The following PAM variants were observed in gnomAD, a reference collection of about 807,000 sequenced individuals.
PAM encodes peptidyl-glycine alpha-amidating monooxygenase.
PAM carries 72 observed loss-of-function variants against 122.1 expected under a neutral mutation model. The observed-to-expected ratio is 0.59, with a 90% CI of 0.49 to 0.72. The LOEUF (loss-of-function observed/expected upper bound fraction) is 0.72, where lower values mean the gene tolerates loss of function less well. Ranked by LOEUF, PAM falls within the 30% of genes least tolerant of loss-of-function variation. PAM has a pLI of 0.00. For synonymous variants in PAM, 389 were observed against 404.4 expected (o/e 0.96, Z 0.46); for missense variants, 1,106 against 1,183.7 (o/e 0.93, Z 0.96).
intron 7 of PAM, among the ~76,000 whole-genome samples, chr5:102,940,583 C>A (rs1754865142): frequency 6.7e-6 from 1 of 149,954 alleles, no homozygotes; most frequent in African/African-American, 2.5e-5. Context: ...AGTTAGTAGG[C>A]CTTTTGACTA....
At chr5:102,957,536 T>C (rs559374509) in intron 12 of PAM, among the ~76,000 whole-genome samples, 63 of 152,230 alleles carry the variant, frequency 4.1e-4, no homozygotes, top group African/African-American at 1.5e-3. Context: ...TTCTTTTCTT[T>C]TCTTTTTTTT....
At chr5:102,783,920 GGA>G (rs1249003828) in intron 1 of PAM, among the ~76,000 whole-genome samples, 3 of 149,356 alleles carry the variant, frequency 2.0e-5, no homozygotes, top group African/African-American at 7.4e-5. Flanking sequence ...TTTTTGAGGT[GGA>G]GTCTCGCTCT....
At chr5:102,949,490 T>G in intron 9 of PAM, 47 bp from the exon 10 acceptor site, 1 of 923,014 alleles carries the variant, frequency 1.1e-6, no homozygotes, top group South Asian at 1.3e-5. Context: ...AATAATGTCA[T>G]TTTCCAGTTG....
chr5:102,951,849 T>A (rs757340642), intron 12 of PAM, among the ~76,000 whole-genome samples: 1 of 152,114 alleles, frequency 6.6e-6, no homozygotes, highest in Admixed American at 6.6e-5. Context: ...TGGATAAATT[T>A]GCTAAATTTG....
intron 4 of PAM, among the ~76,000 whole-genome samples, chr5:102,907,217 C>A (rs935007388): frequency 1.3e-5 from 2 of 151,878 alleles, no homozygotes; most frequent in South Asian, 4.2e-4. Context: ...ATGACAATTT[C>A]ACTATTAAGC....
intron 4 of PAM, among the ~76,000 whole-genome samples, chr5:102,902,406 A>G (rs1420754886): frequency 6.6e-6 from 1 of 151,646 alleles, no homozygotes. Context: ...AACACTCTCA[A>G]CAAAATTTGC....
At chr5:102,903,408 A>G (rs765765264) in intron 4 of PAM, among the ~76,000 whole-genome samples, 2 of 151,612 alleles carry the variant, frequency 1.3e-5, no homozygotes, top group South Asian at 4.1e-4. Context: ...AATCATTTAT[A>G]TAAAAGAATA....
chr5:102,894,683 A>G (rs1216628402), intron 3 of PAM, among the ~76,000 whole-genome samples: 1 of 151,684 alleles, frequency 6.6e-6, no homozygotes, highest in Non-Finnish European at 1.5e-5. Flanking sequence ...CTCAAATTCA[A>G]CATGTTCAGT....
At chr5:102,859,067 T>C (rs1783385116) in intron 1 of PAM, among the ~76,000 whole-genome samples, 1 of 152,232 alleles carries the variant, frequency 6.6e-6, no homozygotes, top group Admixed American at 6.5e-5. Context: ...TACGTAATAC[T>C]TGATAAAGAT....
intron 1 of PAM, among the ~76,000 whole-genome samples, chr5:102,797,695 G>C (rs6865395): frequency 0.043 from 6,477 of 152,148 alleles, 479 homozygotes; most frequent in African/African-American, 0.15. Flanking sequence ...CAGCATTTAG[G>C]TTTTAAGAAT....
At chr5:102,806,076 C>T (rs563907583) in intron 1 of PAM, among the ~76,000 whole-genome samples, 21 of 152,170 alleles carry the variant, frequency 1.4e-4, no homozygotes, top group Non-Finnish European at 2.9e-4. Flanking sequence ...AACAAAGCAG[C>T]TTTACTGTTG....
chr5:102,758,837 G>T (rs1371836667), intron 1 of PAM, among the ~76,000 whole-genome samples: 3 of 152,114 alleles, frequency 2.0e-5, no homozygotes, highest in African/African-American at 4.8e-5. Context: ...GGTAGGGGGA[G>T]GGGGGAAGGA....
rs112138952 is a variant in PAM, at chr5:102,925,643, A to G, written c.442+601A>G. 5.1e-3 allele frequency among the ~76,000 whole-genome samples: 775 copies of G among 152,298 alleles called. 7 individuals carry two copies. Among genetic ancestry groups the G allele is most frequent in the African/African-American group, 0.018 (742 of 41,564 alleles). On this transcript the variant is annotated intron_variant, in intron 6 of 25. Coordinates refer to ENST00000438793, the MANE Select transcript of PAM (RefSeq NM_001177306.2). ...CCTTACTCATTGCCAGCATCATTAA[A>G]TGATGTCTGATTTCTTGCACTTCAA...
At chr5:102,935,824 A>C (rs770891166) in intron 7 of PAM, among the ~76,000 whole-genome samples, 1 of 152,170 alleles carries the variant, frequency 6.6e-6, no homozygotes, top group Non-Finnish European at 1.5e-5. Flanking sequence ...CTCAAAATCT[A>C]ATCAGAGGAC....
chr5:103,012,604 C>G (rs1355195616), intron 21 of PAM, among the ~76,000 whole-genome samples: 1 of 152,056 alleles, frequency 6.6e-6, no homozygotes, highest in African/African-American at 2.4e-5. Context: ...CCTGTAATCC[C>G]AGCACTTTGG....
intron 1 of PAM, among the ~76,000 whole-genome samples, chr5:102,836,712 C>G (rs1340488381): frequency 1.3e-5 from 2 of 152,048 alleles, no homozygotes; most frequent in Non-Finnish European, 2.9e-5. Context: ...ACAGTATTAT[C>G]TAGTGCCACC....
chr5:103,020,847 TAATAA>T (rs1321575547), intron 23 of PAM, among the ~76,000 whole-genome samples: 7 of 152,064 alleles, frequency 4.6e-5, no homozygotes, highest in Non-Finnish European at 8.8e-5. Context: ...GCTCAAGGGG[TAATAA>T]AATATTATAA....
At position 102,974,226 on chromosome 5, in the gene PAM, G is replaced by C. The variant is rs1374876111; in HGVS notation, c.1273G>C (p.Glu425Gln). The C allele has an allele frequency of 6.2e-7, 1 of 1,613,920 alleles. No homozygotes were observed. Among genetic ancestry groups the C allele is most frequent in the Non-Finnish European group, 8.5e-7 (1 of 1,179,846 alleles). Residue 425 changes from glutamate to glutamine, a missense_variant, in exon 15 of 26, where the codon GAG (glutamate) becomes CAG (glutamine). Physicochemically the swap from Glu to Gln is conservative, Grantham distance 29. Around this residue, in one of 3 missense-constraint regions of PAM, gnomAD observed 670 missense variants for 690.3 expected, o/e 0.97. Coordinates refer to ENST00000438793, the MANE Select transcript of PAM (RefSeq NM_001177306.2). ...KAESESDLVA[E>Q]IANVVQKKDL... Reference sequence around the variant, plus strand: ...AGAATCAGAGTCAGACCTGGTAGCTGAGATTGCAAATGTAGTCCAAAAAAA... The same window carrying C: ...AGAATCAGAGTCAGACCTGGTAGCTCAGATTGCAAATGTAGTCCAAAAAAA...
intron 1 of PAM, among the ~76,000 whole-genome samples, chr5:102,820,777 T>A (rs1003226492): frequency 1.3e-5 from 2 of 152,184 alleles, no homozygotes; most frequent in Non-Finnish European, 1.5e-5. Flanking sequence ...AAACATGCTA[T>A]GTAGTACTTA....
Sources: allele counts gnomAD v4.1 joint callset (sites outside exome capture counted in the v4.1 genomes callset), GRCh38; gene constraint gnomAD v4.1.1; regional missense constraint gnomAD v4.1.1; transcripts MANE v1.5; gene names NCBI Gene and HGNC (gene_info 2026-07-23, HGNC 2026-07-21).